The following SH3KBP1 variants were observed in gnomAD, a reference collection of about 807,000 sequenced individuals.
The protein encoded by SH3KBP1 is SH3 domain-containing kinase-binding protein 1.
In SH3KBP1, 8 loss-of-function variants were observed where a neutral mutation model predicts 50.1. The ratio of observed to expected loss-of-function variants is 0.16; its 90% CI spans 0.09 to 0.29. The LOEUF (loss-of-function observed/expected upper bound fraction) is 0.29. SH3KBP1 is among the 10% of genes least tolerant of loss of function. SH3KBP1 has a pLI of 1.00. For synonymous variants in SH3KBP1, 227 were observed against 218.6 expected, an observed-to-expected ratio of 1.04 and a Z score of -0.34; for missense variants, 377 against 535.2, an observed-to-expected ratio of 0.70 and a Z score of 2.92.
At chrX:19,615,375 G>A (rs182692814) in intron 8 of SH3KBP1, among the ~76,000 whole-genome samples, 1 of 112,561 alleles carries the variant, frequency 8.9e-6, no homozygotes, top group Non-Finnish European at 1.9e-5. Context: ...CAGCATGGCT[G>A]TTCTTCATGA....
intron 3 of SH3KBP1, among the ~76,000 whole-genome samples, chrX:19,729,038 G>A (rs968484481): frequency 2.7e-5 from 3 of 112,394 alleles, no homozygotes; most frequent in Non-Finnish European, 5.6e-5. Context: ...GAATCATCCT[G>A]GGCAGAAGTC....
chrX:19,773,134 TAAG>T (rs1315095574), intron 2 of SH3KBP1, among the ~76,000 whole-genome samples: 1 of 110,305 alleles, frequency 9.1e-6, no homozygotes, highest in African/African-American at 3.3e-5. Flanking sequence ...GAGAAACCCA[TAAG>T]AAGAGATCTC....
At chrX:19,808,549 G>A (rs1037782277) in intron 2 of SH3KBP1, among the ~76,000 whole-genome samples, 1 of 111,113 alleles carries the variant, frequency 9.0e-6, no homozygotes, top group African/African-American at 3.3e-5. Flanking sequence ...CTCCCAGTTA[G>A]AGCCAAATGG....
intron 1 of SH3KBP1, among the ~76,000 whole-genome samples, chrX:19,862,768 T>C (rs2068810734): frequency 8.9e-6 from 1 of 112,125 alleles, no homozygotes; most frequent in Non-Finnish European, 1.9e-5. Context: ...GCTTTGATCC[T>C]TATCCTAAAA....
At chrX:19,707,222 C>A (rs771805069) in intron 3 of SH3KBP1, 15 of 464,440 alleles carry the variant, frequency 3.2e-5, no homozygotes, top group Non-Finnish European at 5.0e-5. Flanking sequence ...GAAACCGATC[C>A]ATTGGTGCAG....
At chrX:19,687,873 C>T (rs1345549288) in intron 5 of SH3KBP1, among the ~76,000 whole-genome samples, 8 of 112,193 alleles carry the variant, frequency 7.1e-5, no homozygotes. Flanking sequence ...AAGAATGTTA[C>T]AGAATGAGCC....
intron 3 of SH3KBP1, among the ~76,000 whole-genome samples, chrX:19,714,887 C>T (rs1225145681): frequency 9.0e-6 from 1 of 111,691 alleles, no homozygotes; most frequent in Non-Finnish European, 1.9e-5. Context: ...ATCGCAGTTA[C>T]CTAGCAGAAT....
intron 8 of SH3KBP1, among the ~76,000 whole-genome samples, chrX:19,614,535 G>T (rs1011926180): frequency 8.9e-6 from 1 of 111,969 alleles, no homozygotes. Flanking sequence ...AAATGCCGAT[G>T]TCTGGGCCAG....
intron 2 of SH3KBP1, among the ~76,000 whole-genome samples, chrX:19,774,319 T>C (rs2065892665): frequency 9.0e-6 from 1 of 111,305 alleles, no homozygotes; most frequent in African/African-American, 3.3e-5. Context: ...AAAATAAAAA[T>C]ACATCTTTGC....
At chrX:19,609,564 G>A (rs2067346865) in intron 8 of SH3KBP1, among the ~76,000 whole-genome samples, 1 of 111,942 alleles carries the variant, frequency 8.9e-6, no homozygotes, top group African/African-American at 3.3e-5. Flanking sequence ...CAGAGAAAGA[G>A]AGGAGATCAT....
intron 13 of SH3KBP1, among the ~76,000 whole-genome samples, chrX:19,567,518 CAAAAAAAAAAAAAAAAAAA>C (rs869158450): frequency 5.4e-3 from 39 of 7,266 alleles, no homozygotes; most frequent in Non-Finnish European, 7.9e-3. Flanking sequence ...GACTCCATCT[CAAAAAAAAAAAAAAAAAAA>C]AAAAAAAAAA....
chrX:19,550,807 T>C (rs955026898), intron 13 of SH3KBP1, among the ~76,000 whole-genome samples: 1 of 110,154 alleles, frequency 9.1e-6, no homozygotes, highest in African/African-American at 3.3e-5. Context: ...AAATGGAAAA[T>C]GTTAACTGAC....
chrX:19,761,144 GAGA>G (rs1368678055), intron 2 of SH3KBP1, among the ~76,000 whole-genome samples: 4 of 79,548 alleles, frequency 5.0e-5, no homozygotes, highest in Non-Finnish European at 9.6e-5. Flanking sequence ...CCAGGAGAGG[GAGA>G]AGGAGAGAGG....
chrX:19,636,793 T>C (rs2061714144), intron 7 of SH3KBP1, among the ~76,000 whole-genome samples: 1 of 111,545 alleles, frequency 9.0e-6, no homozygotes, highest in South Asian at 3.7e-4. Context: ...GGAAATAACA[T>C]TAAATCCAGG....
chrX:19,727,120 T>C (rs1292527338), intron 3 of SH3KBP1, among the ~76,000 whole-genome samples: 4 of 111,816 alleles, frequency 3.6e-5, no homozygotes, highest in African/African-American at 1.3e-4. Context: ...TGTTGGGTAT[T>C]TGTCATGTTA....
In SH3KBP1 at chrX:19,569,162, G is replaced by A. The variant is rs2065933350; in HGVS notation, c.1325C>T (p.Ala442Val). 3 of 1,210,607 alleles carry A rather than the reference G, an allele frequency of 2.5e-6. No homozygotes were observed. The highest frequency in any genetic ancestry group is 3.4e-6 in the Non-Finnish European group (3 of 894,203). Reference sequence around the variant, plus strand: ...CAGGATGCCAGATAGCGAACTGCCGGCCAAGTCAATCTTTGGACTGTCACC... The same window carrying A: ...CAGGATGCCAGATAGCGAACTGCCGACCAAGTCAATCTTTGGACTGTCACC... ...TRGDSPKIDL[A>V]GSSLSGILDK... The change falls in exon 13 of 18, where the codon GCC becomes GTC. Residue 442 changes from alanine to valine, a missense_variant. By Grantham distance (64) the Ala-to-Val change is moderately conservative. Transcript: ENST00000397821.
intron 6 of SH3KBP1, chrX:19,648,032 T>A (rs887179974): frequency 1.1e-5 from 4 of 373,319 alleles, no homozygotes; most frequent in Non-Finnish European, 1.6e-5. Context: ...AGATAAATTA[T>A]GAAACATCTT....
At chrX:19,564,040 A>C (rs1441950109) in intron 13 of SH3KBP1, among the ~76,000 whole-genome samples, 1 of 111,487 alleles carries the variant, frequency 9.0e-6, no homozygotes, top group Non-Finnish European at 1.9e-5. Flanking sequence ...GAACCTGAGC[A>C]ATTGCTCAAT....
intron 8 of SH3KBP1, among the ~76,000 whole-genome samples, chrX:19,622,805 G>T (rs1420168571): frequency 1.8e-5 from 2 of 112,205 alleles, no homozygotes; most frequent in East Asian, 5.6e-4. Flanking sequence ...CACTTTGGGA[G>T]GCCAAGGCAG....
Sources: gnomAD v4.1 joint callset for allele counts (sites outside exome capture counted in the v4.1 genomes callset) on GRCh38, gnomAD v4.1.1 for gene constraint, MANE v1.5 for transcripts, NCBI Gene and HGNC (gene_info 2026-07-23, HGNC 2026-07-21) for gene names.